Variants in QTMAN observed in about 807,000 individuals in gnomAD.
QTMAN encodes the protein queuosine-tRNA mannosyltransferase, also known as tRNA-queuosine alpha-mannosyltransferase.
chr2:144,258,115 G>C, the QTMAN span, among the ~76,000 whole-genome samples: 1 of 151,126 alleles, frequency 6.6e-6, no homozygotes, highest in Admixed American at 6.6e-5. Flanking sequence ...GTCAGAAAAA[G>C]AAGGGACAGG....
chr2:144,127,492 C>T, the QTMAN span, among the ~76,000 whole-genome samples: 9 of 152,024 alleles, frequency 5.9e-5, no homozygotes, highest in East Asian at 1.7e-3. Flanking sequence ...ACTGACAAAA[C>T]ATGGTAGTGG....
the QTMAN span, among the ~76,000 whole-genome samples, chr2:144,030,958 T>C: frequency 1.1e-3 from 171 of 152,300 alleles, 1 homozygote; most frequent in African/African-American, 3.9e-3. Context: ...TCCTACAGCA[T>C]GAATCTTGGT....
At chr2:144,076,423 C>T in the QTMAN span, among the ~76,000 whole-genome samples, 1 of 152,142 alleles carries the variant, frequency 6.6e-6, no homozygotes, top group African/African-American at 2.4e-5. Context: ...TAGAAATAAA[C>T]TTCCACAAGG....
At chr2:144,193,393 A>G in the QTMAN span, among the ~76,000 whole-genome samples, 1 of 148,812 alleles carries the variant, frequency 6.7e-6, no homozygotes, top group Non-Finnish European at 1.5e-5. Context: ...TACTACACCT[A>G]TTATATATAC....
At chr2:144,027,141 C>T in the QTMAN span, among the ~76,000 whole-genome samples, 1 of 152,142 alleles carries the variant, frequency 6.6e-6, no homozygotes, top group Non-Finnish European at 1.5e-5. Context: ...CCAATGGAGG[C>T]AAGAGCCATC....
chr2:144,240,245 T>C, the QTMAN span, among the ~76,000 whole-genome samples: 1 of 152,212 alleles, frequency 6.6e-6, no homozygotes, highest in African/African-American at 2.4e-5. Flanking sequence ...TAGGCAATGA[T>C]AACCTTAAAC....
the QTMAN span, among the ~76,000 whole-genome samples, chr2:144,064,270 G>A: frequency 6.6e-6 from 1 of 152,208 alleles, no homozygotes; most frequent in African/African-American, 2.4e-5. Flanking sequence ...AATGGTGGAA[G>A]CATTCGATTT....
the QTMAN span, among the ~76,000 whole-genome samples, chr2:144,276,948 T>C: frequency 7.2e-5 from 11 of 152,206 alleles, 1 homozygote; most frequent in Admixed American, 7.2e-4. Context: ...TACAATCATA[T>C]TGTTATTTTT....
the QTMAN span, among the ~76,000 whole-genome samples, chr2:144,266,173 T>C: frequency 6.6e-6 from 1 of 152,186 alleles, no homozygotes; most frequent in Non-Finnish European, 1.5e-5. Flanking sequence ...GGAGGGTTAC[T>C]GGAGAAAATG....
At chr2:144,027,618 G>A in the QTMAN span, among the ~76,000 whole-genome samples, 1 of 152,222 alleles carries the variant, frequency 6.6e-6, no homozygotes, top group Non-Finnish European at 1.5e-5. Flanking sequence ...ATAAGGTAGA[G>A]GAGGGTTTCA....
chr2:144,172,791 G>A, the QTMAN span, among the ~76,000 whole-genome samples: 2 of 152,002 alleles, frequency 1.3e-5, no homozygotes, highest in Admixed American at 1.3e-4. Context: ...TAGTAGAGAT[G>A]CCTCACCTAA....
chr2:143,945,721 G>A, the QTMAN span: 2 of 152,170 alleles, frequency 1.3e-5, no homozygotes, highest in Admixed American at 1.3e-4. Flanking sequence ...TCACTTTGTG[G>A]TGTATAGAAG....
the QTMAN span, among the ~76,000 whole-genome samples, chr2:144,119,893 T>C: frequency 2.0e-5 from 3 of 150,476 alleles, no homozygotes; most frequent in Non-Finnish European, 4.4e-5. Flanking sequence ...CAAAAAAAAC[T>C]AACACCTGCC....
At chr2:144,044,508 C>T in the QTMAN span, among the ~76,000 whole-genome samples, 5 of 152,046 alleles carry the variant, frequency 3.3e-5, no homozygotes, top group Admixed American at 3.3e-4. Context: ...GGAGCAAATC[C>T]CTTCTGTTCA....
chr2:144,292,525 A>T, the QTMAN span, among the ~76,000 whole-genome samples: 1 of 152,140 alleles, frequency 6.6e-6, no homozygotes, highest in African/African-American at 2.4e-5. Flanking sequence ...TAGGGCTAGG[A>T]CTATGTGTTT....
At chr2:144,096,822 C>G in the QTMAN span, among the ~76,000 whole-genome samples, 1 of 152,200 alleles carries the variant, frequency 6.6e-6, no homozygotes, top group East Asian at 1.9e-4. Flanking sequence ...CTGCTGTAAA[C>G]AAACAGATTC....
At chr2:143,980,940 T>A in the QTMAN span, among the ~76,000 whole-genome samples, 1 of 152,202 alleles carries the variant, frequency 6.6e-6, no homozygotes, top group South Asian at 2.1e-4. Context: ...CCCTCTGTGC[T>A]GTTTGCAACC....
chr2:144,144,806 C>T, the QTMAN span, among the ~76,000 whole-genome samples: 1 of 151,792 alleles, frequency 6.6e-6, no homozygotes, highest in Non-Finnish European at 1.5e-5. Flanking sequence ...ATCATCAAAC[C>T]CAGTTGCTAA....
chr2:144,173,088 C>T, the QTMAN span, among the ~76,000 whole-genome samples: 2 of 152,168 alleles, frequency 1.3e-5, no homozygotes, highest in African/African-American at 4.8e-5. Context: ...CTTCACTACC[C>T]CTTAAAATGT....
Sources: gnomAD v4.1 joint callset for allele counts (sites outside exome capture counted in the v4.1 genomes callset) on GRCh38, gnomAD v4.1.1 for gene constraint, MANE v1.5 for transcripts, NCBI Gene and HGNC (gene_info 2026-07-23, HGNC 2026-07-21) for gene names.